NTN1: variants seen among roughly 807,000 people sequenced by gnomAD.
The protein encoded by NTN1 is netrin 1.
A neutral mutation model predicts 54.2 loss-of-function variants in NTN1; 11 were observed. The observed-to-expected ratio is 0.20, with a 90% CI of 0.13 to 0.34. The LOEUF is 0.34. Ranked by LOEUF, NTN1 falls within the 10% of genes least tolerant of loss-of-function variation. The probability of loss-of-function intolerance (pLI) is 1.00; values close to 1 mark genes in which losing one functional copy is unlikely to be tolerated. For synonymous variants in NTN1, 371 were observed against 382.0 expected, an observed-to-expected ratio of 0.97 and a Z score of 0.33; for missense variants, 740 against 893.1, an observed-to-expected ratio of 0.83 and a Z score of 2.18.
At chr17:9,137,667 A>ATG (rs2092285088) in intron 2 of NTN1, among the ~76,000 whole-genome samples, 6 of 152,040 alleles carry the variant, frequency 3.9e-5, no homozygotes, top group Admixed American at 3.9e-4. Context: ...GATGGCAGGC[A>ATG]CCTGTAATCC....
At chr17:9,076,663 A>G (rs941750378) in intron 2 of NTN1, among the ~76,000 whole-genome samples, 3 of 152,210 alleles carry the variant, frequency 2.0e-5, no homozygotes, top group Non-Finnish European at 4.4e-5. Flanking sequence ...GGCATGAGCC[A>G]TTGCGCCCGG....
chr17:9,223,460 G>A (rs1239930701), intron 6 of NTN1, among the ~76,000 whole-genome samples: 3 of 152,138 alleles, frequency 2.0e-5, no homozygotes, highest in African/African-American at 7.2e-5. Context: ...GCTGAGGCAG[G>A]AGAATCCCTT....
chr17:9,156,370 C>T (rs2092342329), intron 2 of NTN1, among the ~76,000 whole-genome samples: 1 of 151,934 alleles, frequency 6.6e-6, no homozygotes, highest in African/African-American at 2.4e-5. Flanking sequence ...GGGTACTGGG[C>T]CCCAGACTAG....
intron 2 of NTN1, among the ~76,000 whole-genome samples, chr17:9,118,037 G>T (rs968063079): frequency 6.6e-6 from 1 of 152,166 alleles, no homozygotes; most frequent in Non-Finnish European, 1.5e-5. Context: ...CTCAAATCCA[G>T]GCTCTCCCAT....
At chr17:9,185,283 G>C (rs2092429895) in intron 5 of NTN1, among the ~76,000 whole-genome samples, 2 of 152,162 alleles carry the variant, frequency 1.3e-5, no homozygotes, top group African/African-American at 4.8e-5. Flanking sequence ...TTGCAGGCAG[G>C]AGGCCAGGAG....
At chr17:9,112,823 CAAAA>C (rs386385610) in intron 2 of NTN1, among the ~76,000 whole-genome samples, 11 of 96,010 alleles carry the variant, frequency 1.1e-4, no homozygotes, top group Admixed American at 2.1e-4. Flanking sequence ...GACTCCGTCT[CAAAA>C]AAAAAAAAAA....
chr17:9,213,833 C>G (rs958625642), intron 5 of NTN1, among the ~76,000 whole-genome samples: 12 of 152,182 alleles, frequency 7.9e-5, no homozygotes, highest in African/African-American at 2.9e-4. Flanking sequence ...GATTCCATGT[C>G]TCTTACTCAG....
Position 9,239,978 on chromosome 17 carries a change from AGCGG to A in NTN1, c.*30_*33del, listed in dbSNP as rs762914852. The A allele has an allele frequency of 5.2e-4, 31 of 59,788 alleles. No homozygotes were observed. The highest frequency in any genetic ancestry group is 6.6e-4 in the Non-Finnish European group (20 of 30,504). 3.7% of individuals were successfully genotyped at this position (59,788 alleles called of 1,614,324 possible). On this transcript the variant is annotated 3_prime_UTR_variant, in exon 7 of 7. Transcript: ENST00000173229. The surrounding 1 kb of genome is among the most constrained non-coding windows in gnomAD (Gnocchi z 5.2). ...GTGCAAGAAGGCCTAGCGCCGAGGC[AGCGG>A]GCGGGCGGGCGGGCGGGCGCCAGGG...
chr17:9,155,039 G>A (rs978584485), intron 2 of NTN1, among the ~76,000 whole-genome samples: 2 of 152,176 alleles, frequency 1.3e-5, no homozygotes, highest in Admixed American at 1.3e-4. Flanking sequence ...TTGGGGCAGC[G>A]CTGGCAGAAT....
At chr17:9,134,980 G>C (rs887747114) in intron 2 of NTN1, among the ~76,000 whole-genome samples, 12 of 152,052 alleles carry the variant, frequency 7.9e-5, no homozygotes, top group African/African-American at 2.4e-4. Context: ...AGACCCAGGG[G>C]GTGCTGCCTC....
intron 6 of NTN1, among the ~76,000 whole-genome samples, chr17:9,223,669 C>A (rs550930911): frequency 5.3e-5 from 8 of 152,216 alleles, no homozygotes; most frequent in Non-Finnish European, 1.0e-4. Flanking sequence ...TGGGGCAGGC[C>A]TCTCTCCACT....
At chr17:9,131,504 T>G (rs980936380) in intron 2 of NTN1, among the ~76,000 whole-genome samples, 4 of 151,984 alleles carry the variant, frequency 2.6e-5, no homozygotes, top group Admixed American at 6.6e-5. Flanking sequence ...TGGCCTCTCC[T>G]CCACTAGCCT....
chr17:9,142,254 A>C (rs1597503795), intron 2 of NTN1, among the ~76,000 whole-genome samples: 1 of 151,486 alleles, frequency 6.6e-6, no homozygotes, highest in South Asian at 2.1e-4. Context: ...GTGCCATTGC[A>C]CTCCAGCCTG....
chr17:9,234,063 C>T (rs556854120), intron 6 of NTN1, among the ~76,000 whole-genome samples: 2 of 152,366 alleles, frequency 1.3e-5, no homozygotes, highest in Admixed American at 6.5e-5. Flanking sequence ...GGACCTGGCC[C>T]TGAGCCCCTT....
chr17:9,038,265 C>CACACACACACACACACCCACACACACACA (rs55982115), intron 2 of NTN1, among the ~76,000 whole-genome samples: 1 of 144,076 alleles, frequency 6.9e-6, no homozygotes, highest in South Asian at 2.2e-4. Flanking sequence ...TTCTCTCTCT[C>CACACACACACACACACCCACACACACACA]CACACACACA....
Position 9,209,677 on chromosome 17 carries a change from T to C in NTN1, c.1412-11491T>C, listed in dbSNP as rs950587063. 1.3e-5 allele frequency among the ~76,000 whole-genome samples: 2 copies of C among 152,154 alleles called. 1 individual carries two copies. The highest frequency in any genetic ancestry group is 2.9e-5 in the Non-Finnish European group (2 of 68,008). ...TGGGGGCCAGGGCACCAGGGCCCCC[T>C]CTGACCAGCGAAGCCCCGAGGACCC... On this transcript the variant is annotated intron_variant, in intron 5 of 6. Transcript: ENST00000173229.
chr17:9,204,116 G>C (rs938735331), intron 5 of NTN1, among the ~76,000 whole-genome samples: 2 of 152,084 alleles, frequency 1.3e-5, no homozygotes, highest in Admixed American at 1.3e-4. Flanking sequence ...GGGAGATTCA[G>C]GGAGATTAAG....
At position 9,032,354 on chromosome 17, in the gene NTN1, C is replaced by T. The variant is rs143811543; in HGVS notation, c.1018+8963C>T. 2.7e-3 allele frequency among the ~76,000 whole-genome samples: 412 copies of T among 152,310 alleles called. 3 individuals carry two copies. Among genetic ancestry groups the T allele is most frequent in the African/African-American group, 9.5e-3 (395 of 41,568 alleles). ...GAATGTCCGCCCCGACGTTTCTGGGCAGGTCCTCCAGAACTGCCTTGGATT... is the reference window on the plus strand; with the variant it reads ...GAATGTCCGCCCCGACGTTTCTGGGTAGGTCCTCCAGAACTGCCTTGGATT... On this transcript the variant is annotated intron_variant, in intron 2 of 6. Coordinates refer to ENST00000173229, the MANE Select transcript of NTN1 (RefSeq NM_004822.3).
intron 2 of NTN1, among the ~76,000 whole-genome samples, chr17:9,096,110 A>G (rs1177079615): frequency 6.6e-6 from 1 of 151,926 alleles, no homozygotes; most frequent in African/African-American, 2.4e-5. Context: ...TCTTTATAAT[A>G]TTGAATCTTC....
Sources: gnomAD v4.1 joint callset for allele counts (sites outside exome capture counted in the v4.1 genomes callset) on GRCh38, gnomAD v4.1.1 for gene constraint, Gnocchi (gnomAD v3.1) non-coding constraint, MANE v1.5 for transcripts, NCBI Gene and HGNC (gene_info 2026-07-23, HGNC 2026-07-21) for gene names.